The following NRG3 variants were observed in gnomAD, a reference collection of about 807,000 sequenced individuals.
The protein encoded by NRG3 is neuregulin 3.
NRG3 carries 31 observed loss-of-function variants against 66.9 expected under a neutral mutation model. The observed-to-expected ratio is 0.46, with a 90% confidence interval of 0.35 to 0.63. The LOEUF is 0.63. Ranked by LOEUF, NRG3 falls within the 20% of genes least tolerant of loss-of-function variation. NRG3 has a pLI of 0.00. For missense variants in NRG3, 910 were observed against 878.9 expected, an observed-to-expected ratio of 1.04 and a Z score of -0.45; for synonymous variants, 393 against 359.4, an observed-to-expected ratio of 1.09 and a Z score of -1.06.
At chr10:82,366,186 A>G (rs1295036014) in intron 2 of NRG3, among the ~76,000 whole-genome samples, 2 of 152,214 alleles carry the variant, frequency 1.3e-5, no homozygotes, top group Non-Finnish European at 2.9e-5. Flanking sequence ...CCAAAAGGCC[A>G]ATGAAAGAAT....
intron 2 of NRG3, among the ~76,000 whole-genome samples, chr10:82,364,015 T>C (rs897096940): frequency 2.0e-5 from 3 of 152,082 alleles, no homozygotes; most frequent in Non-Finnish European, 4.4e-5. Flanking sequence ...ACTAAAAAGG[T>C]TGATAGTTTA....
chr10:82,065,890 A>C (rs2064428592), intron 1 of NRG3, among the ~76,000 whole-genome samples: 1 of 152,184 alleles, frequency 6.6e-6, no homozygotes, highest in Non-Finnish European at 1.5e-5. Flanking sequence ...AAAATTATAA[A>C]TCAAATTGCT....
intron 1 of NRG3, among the ~76,000 whole-genome samples, chr10:82,264,739 C>T (rs906868595): frequency 2.6e-5 from 4 of 152,060 alleles, no homozygotes; most frequent in African/African-American, 4.8e-5. Context: ...ATGGCCAAGG[C>T]GGGAAAATAT....
At chr10:82,026,858 C>CA (rs1446660415) in intron 1 of NRG3, among the ~76,000 whole-genome samples, 6 of 151,708 alleles carry the variant, frequency 4.0e-5, no homozygotes, top group Non-Finnish European at 7.4e-5. Context: ...TCTTCCTAGG[C>CA]AAAAAAAGCT....
In NRG3 at chr10:82,986,720, G is replaced by T. The variant is rs1405628508; in HGVS notation, c.*1115G>T. 1.3e-5 allele frequency: 2 copies of T among 152,142 alleles called. No homozygotes were observed. Among genetic ancestry groups the T allele is most frequent in the Admixed American group, 6.5e-5 (1 of 15,280 alleles). The allele number at this position is 152,142 out of a possible 1,614,324, so 9.4% of individuals were successfully genotyped here. On this transcript the variant is annotated 3_prime_UTR_variant, in exon 9 of 9. Transcript: ENST00000372141. ...ATTAATGATATCAGTATCATAAGGT[G>T]AGTTCATCAAGGATGTGTGTTTATT...
intron 2 of NRG3, among the ~76,000 whole-genome samples, chr10:82,363,830 A>G (rs1019816616): frequency 6.6e-6 from 1 of 152,218 alleles, no homozygotes; most frequent in Middle Eastern, 3.2e-3. Flanking sequence ...AAAATTTTTA[A>G]CAAGTATGAA....
chr10:82,984,112 T>G (rs1037436074), intron 8 of NRG3, among the ~76,000 whole-genome samples: 1 of 152,222 alleles, frequency 6.6e-6, no homozygotes, highest in Non-Finnish European at 1.5e-5. Context: ...TTTGAATGTT[T>G]ACTGTTTAAA....
intron 1 of NRG3, among the ~76,000 whole-genome samples, chr10:82,112,996 G>A (rs1325601689): frequency 6.6e-6 from 1 of 152,098 alleles, no homozygotes; most frequent in African/African-American, 2.4e-5. Context: ...CTTCCTGCAT[G>A]CTGGCCTCAG....
chr10:82,619,429 G>T (rs76629022), intron 2 of NRG3, among the ~76,000 whole-genome samples: 427 of 152,158 alleles, frequency 2.8e-3, no homozygotes, highest in Non-Finnish European at 4.1e-3. Flanking sequence ...ACTAGCCAAG[G>T]GATTGGTATT....
chr10:82,247,654 G>T (rs945912290), intron 1 of NRG3, among the ~76,000 whole-genome samples: 4 of 151,976 alleles, frequency 2.6e-5, no homozygotes, highest in Admixed American at 1.3e-4. Flanking sequence ...AGAATACAGG[G>T]ATCTGTCTTG....
chr10:82,465,233 G>A (rs1840564296), intron 2 of NRG3, among the ~76,000 whole-genome samples: 1 of 152,202 alleles, frequency 6.6e-6, no homozygotes, highest in Admixed American at 6.5e-5. Flanking sequence ...CAGAGATGGA[G>A]CACATTTGCA....
rs1272541801 is a variant in NRG3 at position 82,777,983 on chromosome 10, G to A, written c.1027+39333G>A. Among the ~76,000 whole-genome samples, 3 of 152,210 alleles carry A rather than the reference G, an allele frequency of 2.0e-5. No individual in the cohort carries two copies. The East Asian group carries it at 5.8e-4, about 29-fold the overall frequency. On this transcript the variant is annotated intron_variant, in intron 3 of 8. Coordinates refer to ENST00000372141, the MANE Select transcript of NRG3 (RefSeq NM_001010848.4). ...AGATTCAGGGAAGCAAGGTGCTGAA[G>A]CTCTTCAGCCCAGAGGACAAGGTAA...
intron 2 of NRG3, among the ~76,000 whole-genome samples, chr10:82,454,040 G>A (rs1172684580): frequency 6.6e-6 from 1 of 152,192 alleles, no homozygotes; most frequent in Non-Finnish European, 1.5e-5. Context: ...TTCTGGGCAT[G>A]GCATTGTGCC....
At chr10:82,430,223 C>T (rs138309739) in intron 2 of NRG3, among the ~76,000 whole-genome samples, 1 of 152,140 alleles carries the variant, frequency 6.6e-6, no homozygotes, top group African/African-American at 2.4e-5. Flanking sequence ...TATGTTTAGG[C>T]CATACTTTCT....
chr10:82,369,289 C>T (rs956932172), intron 2 of NRG3, among the ~76,000 whole-genome samples: 1 of 138,154 alleles, frequency 7.2e-6, no homozygotes, highest in Admixed American at 6.8e-5. Context: ...CATTTAAACT[C>T]TGGCTTTATG....
rs1294495446 is a variant in NRG3, at chr10:82,478,631, G to T, written c.953+119763G>T. ...AATTTTTCTTAGTGCAGAACAAAAT[G>T]AAAAGTCTCCCATGTCTACTTCTTT... On this transcript the variant is annotated intron_variant, in intron 2 of 8. Coordinates refer to ENST00000372141, the MANE Select transcript of NRG3 (RefSeq NM_001010848.4). Among the ~76,000 whole-genome samples the T allele has an allele frequency of 3.9e-5, 4 of 102,684 alleles. 2 individuals are homozygous for T. The highest frequency in any genetic ancestry group is 9.1e-5 in the Non-Finnish European group (4 of 43,740). 67.4% of individuals were successfully genotyped at this position (102,684 alleles called of 152,430 possible). A position where few individuals can be genotyped will look rare whatever the true frequency, so the allele number is the denominator to read the frequency against.
intron 2 of NRG3, among the ~76,000 whole-genome samples, chr10:82,371,319 C>G (rs1272206921): frequency 6.6e-6 from 1 of 152,036 alleles, no homozygotes. Flanking sequence ...AGCATTACAC[C>G]TGGTTTGGGG....
chr10:82,499,902 T>C (rs1396663360), intron 2 of NRG3, among the ~76,000 whole-genome samples: 1 of 152,120 alleles, frequency 6.6e-6, no homozygotes, highest in African/African-American at 2.4e-5. Context: ...AGAGTTCTTG[T>C]GAAGGTTAAA....
At chr10:82,079,258 T>C (rs2065258232) in intron 1 of NRG3, among the ~76,000 whole-genome samples, 1 of 151,988 alleles carries the variant, frequency 6.6e-6, no homozygotes, top group Non-Finnish European at 1.5e-5. Context: ...TTGGCCAGGC[T>C]GGTCTCGAAC....
Sources: gnomAD v4.1 joint callset for allele counts (sites outside exome capture counted in the v4.1 genomes callset) on GRCh38, gnomAD v4.1.1 for gene constraint, MANE v1.5 for transcripts, NCBI Gene and HGNC (gene_info 2026-07-23, HGNC 2026-07-21) for gene names.